Variants in NRXN3 observed in about 807,000 individuals in gnomAD.
NRXN3 encodes neurexin 3.
In NRXN3, 32 loss-of-function variants were observed where a neutral mutation model predicts 137.6. The observed-to-expected ratio is 0.23, with a 90% CI of 0.18 to 0.31. The LOEUF (loss-of-function observed/expected upper bound fraction) is 0.31. Among genes scored for constraint, NRXN3 ranks in the 10% least tolerant of loss-of-function variants. The probability of loss-of-function intolerance (pLI) is 1.00; values close to 1 mark genes in which losing one functional copy is unlikely to be tolerated. For synonymous variants in NRXN3, 798 were observed against 784.5 expected (o/e 1.02, Z -0.29); for missense variants, 1,574 against 2,062.5 (o/e 0.76, Z 4.59).
intron 4 of NRXN3, among the ~76,000 whole-genome samples, chr14:78,359,567 C>T (rs573368009): frequency 6.6e-6 from 1 of 152,288 alleles, no homozygotes; most frequent in South Asian, 2.1e-4. Context: ...ATTAGAACAA[C>T]ATCCCCATAT....
At chr14:79,393,174 T>C (rs1404032572) in intron 15 of NRXN3, among the ~76,000 whole-genome samples, 1 of 151,862 alleles carries the variant, frequency 6.6e-6, no homozygotes, top group Non-Finnish European at 1.5e-5. Flanking sequence ...AAGTCTTTGC[T>C]CACAGAAGTT....
At chr14:78,537,937 T>G (rs1399293487) in intron 4 of NRXN3, among the ~76,000 whole-genome samples, 1 of 152,210 alleles carries the variant, frequency 6.6e-6, no homozygotes, top group Non-Finnish European at 1.5e-5. Context: ...TAGTGTTATT[T>G]CTGAGGCCTC....
At chr14:79,699,706 T>TA (rs1762024093) in intron 19 of NRXN3, among the ~76,000 whole-genome samples, 1 of 152,062 alleles carries the variant, frequency 6.6e-6, no homozygotes, top group African/African-American at 2.4e-5. Flanking sequence ...TTATAGAACC[T>TA]ATGGCCATTT....
Position 78,715,092 on chromosome 14 carries a change from T to C in NRXN3, c.1997T>C (p.Ile666Thr), listed in dbSNP as rs116593622. ...TGCAAGGACGGCTGGAACCGCTTCA[T>C]CTGCGACTGCACCGGCACCGGATAC... Reference protein sequence around the residue: ...AVCKDGWNRFICDCTGTGYWG... With the variant: ...AVCKDGWNRFTCDCTGTGYWG... The change falls in exon 8 of 21, where the codon ATC becomes ACC. Residue 666 changes from isoleucine (I) to threonine (T), a missense_variant. Coordinates refer to ENST00000335750, the MANE Select transcript of NRXN3 (RefSeq NM_001330195.2). The C allele has an allele frequency of 6.2e-7, 1 of 1,612,756 alleles. No individual in the cohort carries two copies. The highest frequency in any genetic ancestry group is 1.3e-5 in the African/African-American group (1 of 75,052).
At chr14:78,747,970 A>G (rs1042388666) in intron 8 of NRXN3, among the ~76,000 whole-genome samples, 2 of 152,234 alleles carry the variant, frequency 1.3e-5, no homozygotes, top group African/African-American at 2.4e-5. Flanking sequence ...TTTCATTTTC[A>G]TTTTACATGA....
In NRXN3 at chr14:79,864,834, C is replaced by T. The variant is rs1277291432; in HGVS notation, c.*2870C>T. ...TGGCACGATCTCGGCTCACTGCAAG[C>T]TCCGCCTCCCGGGTTCACACCATTC... On this transcript the variant is annotated 3_prime_UTR_variant, in exon 21 of 21. Transcript: ENST00000335750. 2 of 152,046 alleles carry T rather than the reference C, an allele frequency of 1.3e-5. No homozygotes were observed. The highest frequency in any genetic ancestry group is 4.8e-5 in the African/African-American group (2 of 41,406). The allele number at this position is 152,046 out of a possible 1,614,324, so 9.4% of individuals were successfully genotyped here.
chr14:79,126,108 A>T (rs2152938091), intron 15 of NRXN3, among the ~76,000 whole-genome samples: 1 of 152,262 alleles, frequency 6.6e-6, no homozygotes, highest in Admixed American at 6.5e-5. Flanking sequence ...CTGGATTTTT[A>T]AGTCAGTCTA....
At chr14:79,373,393 A>G (rs2094168488) in intron 15 of NRXN3, among the ~76,000 whole-genome samples, 1 of 152,332 alleles carries the variant, frequency 6.6e-6, no homozygotes, top group South Asian at 2.1e-4. Context: ...CTGCTGAACA[A>G]TATGTAATTG....
chr14:79,290,068 A>C (rs773505577), intron 15 of NRXN3, among the ~76,000 whole-genome samples: 7 of 151,934 alleles, frequency 4.6e-5, no homozygotes, highest in African/African-American at 7.3e-5. Context: ...CTCCTGAGTG[A>C]CTTTCCCCCA....
In NRXN3 at chr14:78,379,400, A is replaced by G. The variant is rs12100743; in HGVS notation, c.757+81540A>G. On this transcript the variant is annotated intron_variant, in intron 4 of 20. Coordinates refer to ENST00000335750, the MANE Select transcript of NRXN3 (RefSeq NM_001330195.2). ...AAGTACAATTCAGCAATATGTAAAA[A>G]GAATTATGTACCAGGAACAAGTAAA... Among the ~76,000 whole-genome samples, 372 of 152,356 alleles carry G rather than the reference A, an allele frequency of 2.4e-3. 2 individuals carry two copies. Among genetic ancestry groups the G allele is most frequent in the African/African-American group, 8.6e-3 (356 of 41,588 alleles).
chr14:79,376,193 TGG>T (rs1292252837), intron 15 of NRXN3, among the ~76,000 whole-genome samples: 16 of 93,710 alleles, frequency 1.7e-4, no homozygotes, highest in Non-Finnish European at 2.8e-4. Flanking sequence ...TATATACATG[TGG>T]GTGTGTGTGT....
intron 15 of NRXN3, among the ~76,000 whole-genome samples, chr14:79,114,118 T>TC (rs1462076375): frequency 2.0e-5 from 3 of 152,180 alleles, no homozygotes; most frequent in Non-Finnish European, 4.4e-5. Flanking sequence ...TCAGAGAACA[T>TC]TGGTCAATGT....
intron 4 of NRXN3, among the ~76,000 whole-genome samples, chr14:78,417,452 T>C (rs2093203881): frequency 6.6e-6 from 1 of 152,228 alleles, no homozygotes; most frequent in Non-Finnish European, 1.5e-5. Context: ...CATAATTTCC[T>C]GAGTCTCTCC....
intron 1 of NRXN3, among the ~76,000 whole-genome samples, chr14:78,173,624 C>A (rs559109766): frequency 1.4e-5 from 2 of 143,004 alleles, no homozygotes; most frequent in Non-Finnish European, 3.1e-5. Flanking sequence ...CCTAGGCGCA[C>A]CCCCCCTTCC....
chr14:79,786,900 G>T (rs558020739), intron 19 of NRXN3, among the ~76,000 whole-genome samples: 1 of 152,264 alleles, frequency 6.6e-6, no homozygotes, highest in Non-Finnish European at 1.5e-5. Flanking sequence ...TTTACATAAA[G>T]AATTCCACTT....
chr14:79,414,695 C>CGT (rs142969924), intron 15 of NRXN3, among the ~76,000 whole-genome samples: 2 of 151,820 alleles, frequency 1.3e-5, no homozygotes, highest in South Asian at 2.1e-4. Flanking sequence ...ACATAGCTAC[C>CGT]GTGTGTGTGT....
intron 15 of NRXN3, among the ~76,000 whole-genome samples, chr14:79,205,927 T>C (rs1443442762): frequency 6.6e-6 from 1 of 152,164 alleles, no homozygotes; most frequent in Admixed American, 6.5e-5. Flanking sequence ...TATACAAATT[T>C]TGGTACCTCA....
At chr14:78,899,021 C>T (rs1280903305) in intron 10 of NRXN3, among the ~76,000 whole-genome samples, 1 of 151,938 alleles carries the variant, frequency 6.6e-6, no homozygotes, top group East Asian at 1.9e-4. Context: ...CTGAAGAACA[C>T]ATTCTGCCTG....
At chr14:79,278,377 C>T (rs2080652161) in intron 15 of NRXN3, among the ~76,000 whole-genome samples, 1 of 152,174 alleles carries the variant, frequency 6.6e-6, no homozygotes, top group Non-Finnish European at 1.5e-5. Flanking sequence ...CACAGTGTTA[C>T]CGTGTCCTGG....
Sources: allele counts gnomAD v4.1 joint callset (sites outside exome capture counted in the v4.1 genomes callset), GRCh38; gene constraint gnomAD v4.1.1; transcripts MANE v1.5; gene names NCBI Gene and HGNC (gene_info 2026-07-23, HGNC 2026-07-21).